GNA12: variants seen among roughly 807,000 people sequenced by gnomAD.
GNA12 encodes the protein guanine nucleotide-binding protein subunit alpha-12.
Under a neutral mutation model 26.0 loss-of-function variants are expected in GNA12, and 9 were observed. The observed-to-expected ratio is 0.35, with a 90% CI of 0.21 to 0.60. The LOEUF is 0.60. GNA12 is among the 20% of genes least tolerant of loss of function. The probability of loss-of-function intolerance (pLI) is 0.78; values close to 1 mark genes in which losing one functional copy is unlikely to be tolerated. For synonymous variants in GNA12, 264 were observed against 219.6 expected (o/e 1.20, Z -1.79); for missense variants, 405 against 525.8 (o/e 0.77, Z 2.25).
At chr7:2,804,776 G>C (rs1428638855) in intron 1 of GNA12, among the ~76,000 whole-genome samples, 1 of 152,090 alleles carries the variant, frequency 6.6e-6, no homozygotes. Context: ...ACGTTGAAGA[G>C]AGCTGGGCGT....
chr7:2,840,900 T>A (rs1314723465), intron 1 of GNA12, among the ~76,000 whole-genome samples: 1 of 152,178 alleles, frequency 6.6e-6, no homozygotes, highest in Non-Finnish European at 1.5e-5. Context: ...CAAAGTGATC[T>A]GTTCGAATAA....
intron 2 of GNA12, among the ~76,000 whole-genome samples, chr7:2,747,228 T>A (rs984294118): frequency 1.7e-4 from 26 of 152,146 alleles, no homozygotes; most frequent in African/African-American, 6.3e-4. Flanking sequence ...AAAAGAGAAT[T>A]TTAGACCAAT....
At chr7:2,758,187 C>T (rs756337713) in intron 2 of GNA12, among the ~76,000 whole-genome samples, 9 of 152,148 alleles carry the variant, frequency 5.9e-5, no homozygotes, top group African/African-American at 1.4e-4. Context: ...CCCCAACTAT[C>T]GATGCTTACA....
At chr7:2,788,340 G>A (rs973752299) in intron 2 of GNA12, among the ~76,000 whole-genome samples, 1 of 152,104 alleles carries the variant, frequency 6.6e-6, no homozygotes, top group Admixed American at 6.5e-5. Context: ...CTGTGTTCCC[G>A]TTCAGGAGAC....
intron 1 of GNA12, chr7:2,835,911 A>G (rs368079944): frequency 3.9e-5 from 21 of 540,560 alleles, no homozygotes; most frequent in South Asian, 3.5e-4. Flanking sequence ...TGCAAGAAGC[A>G]ACTGACGCCT....
At chr7:2,761,492 A>G (rs1791553551) in intron 2 of GNA12, among the ~76,000 whole-genome samples, 1 of 152,214 alleles carries the variant, frequency 6.6e-6, no homozygotes, top group Admixed American at 6.5e-5. Flanking sequence ...CTTTTTCCTA[A>G]AACCTGATGC....
intron 1 of GNA12, among the ~76,000 whole-genome samples, chr7:2,805,315 GA>G (rs1329089842): frequency 1.3e-5 from 2 of 152,220 alleles, no homozygotes; most frequent in Non-Finnish European, 1.5e-5. Context: ...ACTCTGCGAG[GA>G]ATAGCATTAT....
At chr7:2,767,748 TACA>T (rs1370964005) in intron 2 of GNA12, among the ~76,000 whole-genome samples, 9 of 152,270 alleles carry the variant, frequency 5.9e-5, no homozygotes, top group African/African-American at 2.2e-4. Flanking sequence ...GATAACATGG[TACA>T]TATGCTATGC....
chr7:2,736,548 A>C (rs1004132009), intron 2 of GNA12, among the ~76,000 whole-genome samples: 1 of 152,152 alleles, frequency 6.6e-6, no homozygotes, highest in Non-Finnish European at 1.5e-5. Context: ...GTCTGTTTCA[A>C]GCAGCAGCAG....
intron 2 of GNA12, among the ~76,000 whole-genome samples, chr7:2,756,614 C>CAAACAAAA (rs1376650357): frequency 2.0e-5 from 3 of 152,000 alleles, no homozygotes; most frequent in Non-Finnish European, 2.9e-5. Context: ...CTCAAACAAA[C>CAAACAAAA]AAACAAACAA....
Position 2,768,273 on chromosome 7 carries a change from T to C in GNA12, c.525+26655A>G, listed in dbSNP as rs916289487. ...AAGTGATCGGAAATGGTTTCTGTTT[T>C]CCAAGTTTAAATACAGCAAATGTAG... On this transcript the variant is annotated intron_variant, in intron 2 of 3. Transcript: ENST00000275364. Among the ~76,000 whole-genome samples the C allele has an allele frequency of 3.1e-4, 47 of 152,238 alleles. 1 individual carries two copies.
At chr7:2,752,981 C>T (rs998515876) in intron 2 of GNA12, among the ~76,000 whole-genome samples, 5 of 152,192 alleles carry the variant, frequency 3.3e-5, no homozygotes, top group Non-Finnish European at 5.9e-5. Context: ...AACGGTCTCC[C>T]TCGTGCTACC....
At chr7:2,745,101 T>A (rs1790701886) in intron 2 of GNA12, among the ~76,000 whole-genome samples, 1 of 152,228 alleles carries the variant, frequency 6.6e-6, no homozygotes, top group African/African-American at 2.4e-5. Context: ...CTCTGCAGGA[T>A]ATTATCCAGG....
At chr7:2,757,703 A>T (rs1791369904) in intron 2 of GNA12, among the ~76,000 whole-genome samples, 1 of 152,178 alleles carries the variant, frequency 6.6e-6, no homozygotes, top group Admixed American at 6.6e-5. Flanking sequence ...AGCAACAAAA[A>T]ACCTTTAGTA....
chr7:2,728,229 C>T lies in GNA12; in HGVS notation c.*2952G>A, dbSNP rs1206954456. ...TGTGCAAAGCTTACACCATGAACAA[C>T]TGACCCGGACCACTACCATTCCAAT... On this transcript the variant is annotated 3_prime_UTR_variant, in exon 4 of 4. Coordinates refer to ENST00000275364, the MANE Select transcript of GNA12 (RefSeq NM_007353.3). 6.6e-6 allele frequency: 1 copy of T among 152,322 alleles called. No individual in the cohort carries two copies. Among genetic ancestry groups the T allele is most frequent in the Non-Finnish European group, 1.5e-5 (1 of 68,040 alleles). 9.4% of individuals were successfully genotyped at this position (152,322 alleles called of 1,614,324 possible).
At chr7:2,793,476 CT>C (rs897889402) in intron 2 of GNA12, among the ~76,000 whole-genome samples, 2 of 152,050 alleles carry the variant, frequency 1.3e-5, no homozygotes, top group Non-Finnish European at 2.9e-5. Context: ...ATTAGGGGGA[CT>C]TGGGAGAAGA....
intron 1 of GNA12, among the ~76,000 whole-genome samples, chr7:2,829,094 GAA>G (rs1793546017): frequency 6.6e-6 from 1 of 151,112 alleles, no homozygotes; most frequent in Admixed American, 6.6e-5. Flanking sequence ...AAAAAGAAAA[GAA>G]AAAAGAAAAT....
At chr7:2,819,052 T>A (rs919657048) in intron 1 of GNA12, among the ~76,000 whole-genome samples, 1 of 152,154 alleles carries the variant, frequency 6.6e-6, no homozygotes, top group Non-Finnish European at 1.5e-5. Context: ...TTATTCTGGA[T>A]TACCCTGCGA....
intron 1 of GNA12, among the ~76,000 whole-genome samples, chr7:2,809,429 G>A (rs775308519): frequency 7.9e-5 from 12 of 151,978 alleles, no homozygotes; most frequent in Non-Finnish European, 1.5e-4. Context: ...CATCATTAGC[G>A]TTTCAATGTA....
Sources: gnomAD v4.1 joint callset for allele counts (sites outside exome capture counted in the v4.1 genomes callset) on GRCh38, gnomAD v4.1.1 for gene constraint, MANE v1.5 for transcripts, NCBI Gene and HGNC (gene_info 2026-07-23, HGNC 2026-07-21) for gene names.